ERG: variants seen among roughly 807,000 people sequenced by gnomAD.
ERG encodes ETS transcription factor ERG.
ERG carries 9 observed loss-of-function variants against 55.3 expected under a neutral mutation model. That is an observed-to-expected ratio of 0.16 (90% CI 0.10 to 0.28). The LOEUF is 0.28. Among genes scored for constraint, ERG ranks in the 10% least tolerant of loss-of-function variants. The pLI is 1.00. For synonymous variants in ERG, 223 were observed against 237.3 expected (o/e 0.94, Z 0.55); for missense variants, 434 against 631.6 (o/e 0.69, Z 3.35).
At chr21:38,499,137 TA>T (rs2059402549), upstream of ERG, among the ~76,000 whole-genome samples, 1 of 151,950 alleles carries the variant, frequency 6.6e-6, no homozygotes, top group Non-Finnish European at 1.5e-5. Flanking sequence ...AGAGGAAAAA[TA>T]AACCTTCCTA....
At chr21:38,583,137 G>A (rs1032106920) in intron 1 of ERG, among the ~76,000 whole-genome samples, 3 of 152,208 alleles carry the variant, frequency 2.0e-5, no homozygotes, top group Non-Finnish European at 4.4e-5. Context: ...GTCGCTGGGT[G>A]CACTTGTCCT....
chr21:38,369,879 C>T, the ERG span, among the ~76,000 whole-genome samples: 2 of 152,098 alleles, frequency 1.3e-5, no homozygotes, highest in African/African-American at 4.8e-5. Flanking sequence ...ACAGGGAATC[C>T]TTTCCCCATT....
chr21:38,458,054 C>T (rs906427077), intron 1 of ERG, among the ~76,000 whole-genome samples: 19 of 152,186 alleles, frequency 1.2e-4, no homozygotes, highest in African/African-American at 4.6e-4. Flanking sequence ...ACCACTTCTG[C>T]CACTGCTGAA....
At chr21:38,410,794 T>C (rs978597002) in intron 3 of ERG, among the ~76,000 whole-genome samples, 1 of 152,004 alleles carries the variant, frequency 6.6e-6, no homozygotes, top group African/African-American at 2.4e-5. Flanking sequence ...TCTAGAGAAA[T>C]GAATAAAGTA....
intron 1 of ERG, among the ~76,000 whole-genome samples, chr21:38,462,271 C>A (rs2059050352): frequency 6.6e-6 from 1 of 152,234 alleles, no homozygotes. Context: ...TCATGAGCCA[C>A]TGCACCTGGC....
At chr21:38,465,607 C>T (rs955103871) in intron 1 of ERG, among the ~76,000 whole-genome samples, 1 of 152,058 alleles carries the variant, frequency 6.6e-6, no homozygotes, top group Non-Finnish European at 1.5e-5. Flanking sequence ...AAATGCACTC[C>T]GATGGGGAAT....
At chr21:38,644,177 C>A (rs1371343542) in intron 1 of ERG, among the ~76,000 whole-genome samples, 1 of 152,230 alleles carries the variant, frequency 6.6e-6, no homozygotes, top group Non-Finnish European at 1.5e-5. Flanking sequence ...CAGAGCAGGG[C>A]AGCCACTGGC....
At chr21:38,648,326 A>C (rs930990656) in intron 1 of ERG, among the ~76,000 whole-genome samples, 3 of 152,224 alleles carry the variant, frequency 2.0e-5, no homozygotes, top group African/African-American at 7.2e-5. Context: ...ATGCTACCGC[A>C]TGTTGTCCTG....
intron 2 of ERG, among the ~76,000 whole-genome samples, chr21:38,507,195 T>G (rs1157252867): frequency 6.6e-6 from 1 of 152,120 alleles, no homozygotes; most frequent in African/African-American, 2.4e-5. Flanking sequence ...AGGGCTAACC[T>G]CTGCTTCACA....
intron 1 of ERG, among the ~76,000 whole-genome samples, chr21:38,478,185 G>A (rs2059206695): frequency 6.6e-6 from 1 of 152,236 alleles, no homozygotes; most frequent in South Asian, 2.1e-4. Context: ...TAGAGGATGT[G>A]TGTTACATGG....
chr21:38,500,437 A>G (rs2059412701), upstream of ERG, among the ~76,000 whole-genome samples: 1 of 152,186 alleles, frequency 6.6e-6, no homozygotes, highest in Admixed American at 6.5e-5. Context: ...TGCAAATCAA[A>G]CTGTGAAGAG....
At chr21:38,649,998 CTGTT>C (rs1265818404) in intron 1 of ERG, among the ~76,000 whole-genome samples, 1 of 152,220 alleles carries the variant, frequency 6.6e-6, no homozygotes, top group African/African-American at 2.4e-5. Flanking sequence ...TTCTCCTTCA[CTGTT>C]TGGTTACCAA....
At chr21:38,379,653 T>C (rs1987339153), downstream of ERG, among the ~76,000 whole-genome samples, 1 of 152,240 alleles carries the variant, frequency 6.6e-6, no homozygotes, top group Non-Finnish European at 1.5e-5. Context: ...ATAATGATGT[T>C]TTACTCAGTA....
Position 38,383,335 on chromosome 21 carries a change from T to C in ERG, c.*68A>G. The stretch of plus-strand genomic sequence containing the variant: ...CCTCTTGAGGCACTTTTGATTCATG[T>C]TCTCCGATAGAGTTTGTGGCGATGG... On this transcript the variant is annotated 3_prime_UTR_variant, in exon 10 of 10. Coordinates refer to ENST00000288319, the MANE Select transcript of ERG (RefSeq NM_182918.4). The surrounding 1 kb of genome is among the most constrained non-coding windows in gnomAD (Gnocchi z 5.7). 4 of 1,378,382 alleles carry C rather than the reference T, an allele frequency of 2.9e-6. No homozygotes were observed. In the South Asian group the frequency reaches 9.4e-5, roughly 32 times the overall value. 85.4% of individuals were successfully genotyped at this position (1,378,382 alleles called of 1,614,324 possible).
rs2059989664 is a variant in ERG at position 38,575,567 on chromosome 21, A to C, written c.-41+95T>G. Reference sequence around the variant, plus strand: ...TTTTCTTAGCTCCTGGGCTGTGTTGACTGACCCCTAATTAACTGATATGTG... The same window carrying C: ...TTTTCTTAGCTCCTGGGCTGTGTTGCCTGACCCCTAATTAACTGATATGTG... On this transcript the variant is annotated intron_variant, in intron 2 of 8. Transcript: ENST00000398897. 5.7e-6 allele frequency: 5 copies of C among 884,186 alleles called. No homozygotes were observed. The East Asian group carries it at 1.2e-4, about 21-fold the overall frequency. The allele number at this position is 884,186 out of a possible 1,614,324, so 54.8% of individuals were successfully genotyped here. A position where few individuals can be genotyped will look rare whatever the true frequency, so the allele number is the denominator to read the frequency against.
intron 1 of ERG, among the ~76,000 whole-genome samples, chr21:38,450,120 G>A (rs1332853631): frequency 6.6e-6 from 1 of 151,942 alleles, no homozygotes; most frequent in Non-Finnish European, 1.5e-5. Flanking sequence ...GTTCGGGCAT[G>A]GTGGCTCACC....
chr21:38,536,330 A>G (rs902573780), intron 2 of ERG, among the ~76,000 whole-genome samples: 7 of 152,164 alleles, frequency 4.6e-5, no homozygotes, highest in African/African-American at 1.7e-4. Flanking sequence ...CATTTGGGAA[A>G]ACAGCCCACA....
At chr21:38,431,357 G>A (rs894632896) in intron 2 of ERG, among the ~76,000 whole-genome samples, 2 of 152,058 alleles carry the variant, frequency 1.3e-5, no homozygotes, top group African/African-American at 4.8e-5. Flanking sequence ...TTTTAGGGAG[G>A]GGCTTCGTAA....
rs1987381942 is a variant in ERG, at chr21:38,380,588, T to C, written c.*2815A>G. 2 of 1,065,660 alleles carry C rather than the reference T, an allele frequency of 1.9e-6. No homozygotes were observed. Among genetic ancestry groups the C allele is most frequent in the East Asian group, 9.9e-5 (2 of 20,104 alleles). 66.0% of individuals were successfully genotyped at this position (1,065,660 alleles called of 1,614,324 possible). On this transcript the variant is annotated 3_prime_UTR_variant, in exon 10 of 10. Transcript: ENST00000288319. ...AAACAGAGAGAAAAGGTTCATGCAA[T>C]TATGAATATGACCTGGAGGGGGCTT...
Sources: gnomAD v4.1 joint callset for allele counts (sites outside exome capture counted in the v4.1 genomes callset) on GRCh38, gnomAD v4.1.1 for gene constraint, Gnocchi (gnomAD v3.1) non-coding constraint, MANE v1.5 for transcripts, NCBI Gene and HGNC (gene_info 2026-07-23, HGNC 2026-07-21) for gene names.